The following VPS13B variants were observed in gnomAD, a reference collection of about 807,000 sequenced individuals.
VPS13B encodes the protein intermembrane lipid transfer protein VPS13B.
Under a neutral mutation model 426.4 loss-of-function variants are expected in VPS13B, and 285 were observed. The ratio of observed to expected loss-of-function variants is 0.67; its 90% confidence interval spans 0.61 to 0.74. VPS13B has a LOEUF of 0.74. Ranked by LOEUF, VPS13B falls within the 30% of genes least tolerant of loss-of-function variation. VPS13B has a pLI of 0.00. For missense variants in VPS13B, 4,537 were observed against 4,782.6 expected (o/e 0.95, Z 1.51); for synonymous variants, 1,676 against 1,676.4 (o/e 1.00, Z 0.01).
intron 7 of VPS13B, among the ~76,000 whole-genome samples, chr8:99,116,802 A>G (rs1847682779): frequency 6.6e-6 from 1 of 152,160 alleles, no homozygotes; most frequent in East Asian, 1.9e-4. Context: ...TAGTATTGGT[A>G]ATTTTTCTGC....
chr8:99,199,319 C>T (rs951346213), intron 17 of VPS13B, among the ~76,000 whole-genome samples: 1 of 152,094 alleles, frequency 6.6e-6, no homozygotes, highest in Non-Finnish European at 1.5e-5. Flanking sequence ...CTACAGGTGC[C>T]TGCCACCACA....
At position 99,134,656 on chromosome 8, in the gene VPS13B, A is replaced by G; in HGVS notation, c.1231A>G (p.Ser411Gly). The G allele has an allele frequency of 6.2e-7, 1 of 1,609,296 alleles. No individual in the cohort carries two copies. The highest frequency in any genetic ancestry group is 8.5e-7 in the Non-Finnish European group (1 of 1,177,352). ...FKLTEMQVES[S>G]YYSPQKVKSK... The stretch of plus-strand genomic sequence containing the variant: ...GCTCACAGAAATGCAAGTTGAGAGT[A>G]GTTATTACAGTCCACAGAAAGTAAA... The change falls in exon 9 of 62, where the codon AGT (serine) becomes GGT (glycine). Residue 411 changes from serine to glycine, a missense_variant. Around this residue, in one of 2 missense-constraint regions of VPS13B, gnomAD observed 4,311 missense variants for 4,474.3 expected, o/e 0.96. Coordinates refer to ENST00000357162, the MANE Select transcript of VPS13B (RefSeq NM_152564.5).
At chr8:99,183,442 G>C (rs564833538) in intron 16 of VPS13B, among the ~76,000 whole-genome samples, 3 of 152,258 alleles carry the variant, frequency 2.0e-5, no homozygotes, top group Non-Finnish European at 2.9e-5. Context: ...ATGCAGCCTA[G>C]TAGTTTGCAT....
At chr8:99,734,678 A>G (rs1235649745) in intron 39 of VPS13B, among the ~76,000 whole-genome samples, 1 of 152,224 alleles carries the variant, frequency 6.6e-6, no homozygotes, top group Non-Finnish European at 1.5e-5. Flanking sequence ...CCAATTACAG[A>G]GGAAAGGATG....
chr8:99,586,006 C>T (rs766913735), intron 33 of VPS13B, among the ~76,000 whole-genome samples: 1 of 152,166 alleles, frequency 6.6e-6, no homozygotes, highest in Non-Finnish European at 1.5e-5. Context: ...GAGAGTGAAA[C>T]TCTACTTAGC....
At chr8:99,081,192 A>T (rs1845434397) in intron 3 of VPS13B, among the ~76,000 whole-genome samples, 1 of 152,132 alleles carries the variant, frequency 6.6e-6, no homozygotes, top group Admixed American at 6.5e-5. Flanking sequence ...CTTACATGAC[A>T]ATTTTCAGTT....
chr8:99,312,152 C>T (rs1821022332), intron 19 of VPS13B, among the ~76,000 whole-genome samples: 1 of 152,136 alleles, frequency 6.6e-6, no homozygotes, highest in Non-Finnish European at 1.5e-5. Flanking sequence ...TTAATTGGAA[C>T]ATTTAGCCCA....
At chr8:99,798,947 T>A (rs973885741) in intron 43 of VPS13B, 2 of 152,202 alleles carry the variant, frequency 1.3e-5, no homozygotes, top group Non-Finnish European at 2.9e-5. Context: ...GAAATACTGA[T>A]TAAGAATGTT....
chr8:99,842,596 CAG>C (rs1815761332), intron 54 of VPS13B, among the ~76,000 whole-genome samples: 1 of 152,070 alleles, frequency 6.6e-6, no homozygotes, highest in Non-Finnish European at 1.5e-5. Flanking sequence ...GCCTGGTTAA[CAG>C]AGCAAAACCC....
At chr8:99,153,908 G>C (rs1439653483) in intron 14 of VPS13B, among the ~76,000 whole-genome samples, 1 of 151,176 alleles carries the variant, frequency 6.6e-6, no homozygotes, top group East Asian at 1.9e-4. Context: ...TTTTGTCTGA[G>C]AAAGTCTTTT....
chr8:99,083,897 G>A (rs549533727), intron 3 of VPS13B, among the ~76,000 whole-genome samples: 1 of 147,520 alleles, frequency 6.8e-6, no homozygotes, highest in East Asian at 2.0e-4. Flanking sequence ...ATGTTCATCA[G>A]GGATATTGGT....
rs183756715 is a variant in VPS13B at position 99,290,895 on chromosome 8, A to G, written c.2824+15641A>G. ...ATTTGAATGGGATGGGATCAATGGTAATAGTTTGTGCCTGATAAGATAAGA... is the reference window on the plus strand; with the variant it reads ...ATTTGAATGGGATGGGATCAATGGTGATAGTTTGTGCCTGATAAGATAAGA... On this transcript the variant is annotated intron_variant, in intron 19 of 61. Transcript: ENST00000357162. 1.4e-3 allele frequency among the ~76,000 whole-genome samples: 212 copies of G among 152,254 alleles called. 1 individual carries two copies. The highest frequency in any genetic ancestry group is 2.4e-3 in the Non-Finnish European group (165 of 67,998).
chr8:99,695,480 T>C, intron 35 of VPS13B, among the ~76,000 whole-genome samples: 1 of 135,546 alleles, frequency 7.4e-6, no homozygotes, highest in African/African-American at 2.8e-5. Context: ...TTCTCACTCA[T>C]AGGTGGGAAT....
At chr8:99,830,210 C>T (rs559138007) in intron 51 of VPS13B, among the ~76,000 whole-genome samples, 32 of 152,280 alleles carry the variant, frequency 2.1e-4, no homozygotes, top group Admixed American at 6.5e-4. Flanking sequence ...GCTGCCCCTT[C>T]CCCCAGGTGC....
At chr8:99,602,994 A>G (rs1827393872) in intron 33 of VPS13B, among the ~76,000 whole-genome samples, 1 of 152,334 alleles carries the variant, frequency 6.6e-6, no homozygotes, top group Non-Finnish European at 1.5e-5. Context: ...CCATCAAGCT[A>G]CCATTGACTT....
chr8:99,144,098 C>T (rs1810572613), intron 13 of VPS13B, among the ~76,000 whole-genome samples: 1 of 152,044 alleles, frequency 6.6e-6, no homozygotes, highest in African/African-American at 2.4e-5. Context: ...AAGCTGCATG[C>T]TGAGGATGAC....
At chr8:99,269,900 T>G (rs1194980046) in intron 17 of VPS13B, among the ~76,000 whole-genome samples, 1 of 152,074 alleles carries the variant, frequency 6.6e-6, no homozygotes, top group African/African-American at 2.4e-5. Flanking sequence ...GAGATGAATA[T>G]AACTTTTATA....
chr8:99,246,598 T>A (rs114453153), intron 17 of VPS13B, among the ~76,000 whole-genome samples: 3,063 of 152,236 alleles, frequency 0.02, 112 homozygotes, highest in African/African-American at 0.07. Flanking sequence ...TCTGATGCGG[T>A]GGCTCACGCC....
intron 30 of VPS13B, among the ~76,000 whole-genome samples, chr8:99,541,054 T>C (rs151319048): frequency 5.8e-4 from 88 of 152,278 alleles, no homozygotes; most frequent in African/African-American, 2.1e-3. Context: ...CCCTATGTGT[T>C]TTCTGTTTTA....
Sources: gnomAD v4.1 joint callset for allele counts (sites outside exome capture counted in the v4.1 genomes callset) on GRCh38, gnomAD v4.1.1 for gene constraint, gnomAD v4.1.1 regional missense constraint, MANE v1.5 for transcripts, NCBI Gene and HGNC (gene_info 2026-07-23, HGNC 2026-07-21) for gene names.